The following PDE6C variants were observed in gnomAD, a reference collection of about 807,000 sequenced individuals.
PDE6C encodes cone cGMP-specific 3',5'-cyclic phosphodiesterase subunit alpha'.
Under a neutral mutation model 113.1 loss-of-function variants are expected in PDE6C, and 75 were observed. That is an observed-to-expected ratio of 0.66 (90% CI 0.55 to 0.80). The LOEUF is 0.80. Among genes scored for constraint, PDE6C ranks in the 30% least tolerant of loss-of-function variants. The pLI is 0.00. For synonymous variants in PDE6C, 375 were observed against 363.7 expected (o/e 1.03, Z -0.35); for missense variants, 912 against 1,038.6 (o/e 0.88, Z 1.67).
rs1342809783 is a variant in PDE6C at position 93,634,619 on chromosome 10, C to T, written c.1120-139C>T. On this transcript the variant is annotated intron_variant, in intron 8 of 21. Transcript: ENST00000371447. ...TAGAAAATGTACTGTAGTTGTCTAA[C>T]CATCATTACCATTGTGTGAAACTGG... The T allele has an allele frequency of 3.7e-6, 3 of 812,104 alleles. No homozygotes were observed. The East Asian group carries it at 8.0e-5, about 22-fold the overall frequency. 50.3% of individuals were successfully genotyped at this position (812,104 alleles called of 1,614,324 possible).
Position 93,635,512 on chromosome 10 carries a change from C to A in PDE6C, c.1285C>A (p.Leu429Ile), listed in dbSNP as rs759234276. ...EYITETLTQF[L>I]GWSLLNTDTY... is the part of the protein sequence containing the mutation. ...TCCATTTCAGACTCTCACACAATTT[C>A]TTGGATGGTCTCTTTTAAATACTGA... The change falls in exon 10 of 22, where the codon CTT becomes ATT. Residue 429 changes from leucine to isoleucine, a missense_variant. Coordinates refer to ENST00000371447, the MANE Select transcript of PDE6C (RefSeq NM_006204.4). 4.3e-6 allele frequency: 7 copies of A among 1,611,068 alleles called. No individual in the cohort carries two copies. Among genetic ancestry groups the A allele is most frequent in the Non-Finnish European group, 5.9e-6 (7 of 1,177,254 alleles).
chr10:93,618,060 A>G (rs1485463133), intron 1 of PDE6C, among the ~76,000 whole-genome samples: 2 of 152,152 alleles, frequency 1.3e-5, no homozygotes, highest in Non-Finnish European at 2.9e-5. Context: ...TCTTGGTGGC[A>G]TGAGTGAGGG....
At chr10:93,633,405 G>T (rs574659393) in intron 8 of PDE6C, among the ~76,000 whole-genome samples, 1 of 149,446 alleles carries the variant, frequency 6.7e-6, no homozygotes, top group Non-Finnish European at 1.5e-5. Context: ...GGCAGAGGTT[G>T]CAGTGAGCCA....
At chr10:93,665,313 G>C in intron 21 of PDE6C, 47 bp from the exon 22 acceptor site, 1 of 1,325,384 alleles carries the variant, frequency 7.5e-7, no homozygotes, top group East Asian at 2.3e-5. Context: ...TAAAAACACT[G>C]TATATCCACT....
At chr10:93,635,432 T>C (rs2058523514) in intron 9 of PDE6C, 65 bp from the exon 10 acceptor site, 2 of 1,292,444 alleles carry the variant, frequency 1.5e-6, no homozygotes, top group Admixed American at 1.7e-5. Flanking sequence ...AGCGTGCAGA[T>C]TGTTGCCTCC....
intron 10 of PDE6C, among the ~76,000 whole-genome samples, chr10:93,636,366 CTTTGTGTGTGTG>C (rs1387868242): frequency 7.7e-5 from 7 of 90,608 alleles, no homozygotes; most frequent in South Asian, 3.8e-4. Context: ...ATTTCCCTGG[CTTTGTGTGTGTG>C]TGTGTGTGTG....
At chr10:93,647,849 A>C (rs2058591907) in intron 15 of PDE6C, among the ~76,000 whole-genome samples, 1 of 152,230 alleles carries the variant, frequency 6.6e-6, no homozygotes, top group South Asian at 2.1e-4. Context: ...TGAGAATTAA[A>C]AGAAGGAGCG....
Position 93,635,002 on chromosome 10 carries a change from G to A in PDE6C, c.1269+95G>A, listed in dbSNP as rs1276960365. On this transcript the variant is annotated intron_variant, in intron 9 of 21. Coordinates refer to ENST00000371447, the MANE Select transcript of PDE6C (RefSeq NM_006204.4). ...TTATTCTGGAATGATATTTTGAAGG[G>A]CCATTAAGACATGAGTCACACATAG... is the stretch of plus-strand genomic sequence containing the variant. 32 of 1,332,940 alleles carry A rather than the reference G, an allele frequency of 2.4e-5. No individual in the cohort carries two copies. The Admixed American group carries it at 5.4e-4, about 23-fold the overall frequency. The allele number at this position is 1,332,940 out of a possible 1,614,324, so 82.6% of individuals were successfully genotyped here.
intron 8 of PDE6C, 128 bp from the exon 9 acceptor site, chr10:93,634,630 A>G: frequency 1.1e-6 from 1 of 889,920 alleles, no homozygotes; most frequent in African/African-American, 1.7e-5. Flanking sequence ...CATCATTACC[A>G]TTGTGTGAAA....
intron 15 of PDE6C, 126 bp from the exon 16 acceptor site, chr10:93,655,634 G>GAAAACAAAAAAAAAAAAAAAAAA: frequency 5.7e-6 from 3 of 527,712 alleles, no homozygotes; most frequent in African/African-American, 2.2e-5. Context: ...AAAAAGGAAG[G>GAAAACAAAAAAAAAAAAAAAAAA]AAAACAAAAA....
At position 93,640,704 on chromosome 10, in the gene PDE6C, CTTGAGCACCGGTGGGATGATCA is replaced by C. The variant is rs2058555389; in HGVS notation, c.1737+150_1737+171del. On this transcript the variant is annotated intron_variant, in intron 13 of 21. Transcript: ENST00000371447. ...TCCGCTGCAGATGAGTCCCAGTATCCTTGAGCACCGGTGGGATGATCATTCAGACATTCACACACTTACCTTC... is the reference window on the plus strand; with the variant it reads ...TCCGCTGCAGATGAGTCCCAGTATCCTTCAGACATTCACACACTTACCTTC... The C allele has an allele frequency of 6.7e-6, 5 of 744,380 alleles. No homozygotes were observed. In the East Asian group the frequency reaches 1.3e-4, roughly 20 times the overall value. The allele number at this position is 744,380 out of a possible 1,614,324, so 46.1% of individuals were successfully genotyped here.
chr10:93,631,094 T>G (rs1410732500), intron 8 of PDE6C, among the ~76,000 whole-genome samples: 3 of 152,236 alleles, frequency 2.0e-5, no homozygotes, highest in Non-Finnish European at 4.4e-5. Context: ...CTTTCTCTCA[T>G]GCTCCACTGC....
intron 18 of PDE6C, among the ~76,000 whole-genome samples, chr10:93,661,466 A>C (rs1291432807): frequency 1.3e-5 from 2 of 152,136 alleles, no homozygotes; most frequent in Non-Finnish European, 2.9e-5. Context: ...TACAGCACTT[A>C]CCACACTGTA....
intron 8 of PDE6C, among the ~76,000 whole-genome samples, chr10:93,631,489 G>A (rs192466182): frequency 2.5e-4 from 38 of 152,352 alleles, no homozygotes; most frequent in African/African-American, 8.2e-4. Context: ...AGAACAGCAC[G>A]GTGGTCTAAG....
rs71031527 is a variant in PDE6C at position 93,658,169 on chromosome 10, CAAAAAAAAAAAAAAAAAAAA to C, written c.2037-728_2037-709del. Reference sequence around the variant, plus strand: ...TGAGTGGTAGAGCAAGATTCTGTCTCAAAAAAAAAAAAAAAAAAAAAAAGAAAAAGAAAAAGAAAAGAAAG... The same window carrying C: ...TGAGTGGTAGAGCAAGATTCTGTCTCAAAGAAAAAGAAAAAGAAAAGAAAG... On this transcript the variant is annotated intron_variant, in intron 16 of 21. Transcript: ENST00000371447. Among the ~76,000 whole-genome samples the C allele has an allele frequency of 1.9e-3, 113 of 59,896 alleles. 2 individuals carry two copies. Among genetic ancestry groups the C allele is most frequent in the Admixed American group, 6.4e-3 (27 of 4,222 alleles). The allele number at this position is 59,896 out of a possible 152,430, so 39.3% of individuals were successfully genotyped here.
In PDE6C at chr10:93,655,852, A is replaced by G; in HGVS notation, c.2028A>G (p.Leu676=). Reference sequence around the variant, plus strand: ...CAATAATAGCAACTGACCTGGCTTTATATTTCAAGTAAGTACATAACTCTG... The same window carrying G: ...CAATAATAGCAACTGACCTGGCTTTGTATTTCAAGTAAGTACATAACTCTG... ...EVAIIATDLA[L]YFKKRTMFQK... is the part of the protein sequence containing the mutation. The change falls in exon 16 of 22, where the codon TTA becomes TTG. Residue 676 remains leucine, a synonymous_variant. Transcript: ENST00000371447. The G allele has an allele frequency of 6.5e-7, 1 of 1,533,924 alleles. No individual in the cohort carries two copies. Among genetic ancestry groups the G allele is most frequent in the African/African-American group, 1.4e-5 (1 of 73,394 alleles).
intron 10 of PDE6C, among the ~76,000 whole-genome samples, chr10:93,636,731 T>C (rs550575620): frequency 9.9e-5 from 15 of 152,264 alleles, no homozygotes; most frequent in African/African-American, 3.6e-4. Context: ...TGACAAAGAA[T>C]GCATCTTTGC....
At chr10:93,646,609 T>C (rs558610200) in intron 15 of PDE6C, among the ~76,000 whole-genome samples, 1 of 152,130 alleles carries the variant, frequency 6.6e-6, no homozygotes, top group East Asian at 1.9e-4. Context: ...ACAATCATGG[T>C]GGAAGCTGAA....
At chr10:93,621,877 A>G (rs764710897) in intron 3 of PDE6C, 55 bp from the exon 4 acceptor site, 25 of 1,506,726 alleles carry the variant, frequency 1.7e-5, no homozygotes, top group African/African-American at 2.7e-5. Context: ...TGAATGCTCT[A>G]TCTCTCCATA....
Sources: allele counts gnomAD v4.1 joint callset (sites outside exome capture counted in the v4.1 genomes callset), GRCh38; gene constraint gnomAD v4.1.1; transcripts MANE v1.5; gene names NCBI Gene and HGNC (gene_info 2026-07-23, HGNC 2026-07-21).